Variants in NAA11 observed in about 807,000 individuals in gnomAD.
NAA11 encodes the protein N-alpha-acetyltransferase 11, NatA catalytic subunit.
Under a neutral mutation model 16.1 loss-of-function variants are expected in NAA11, and 15 were observed. The ratio of observed to expected loss-of-function variants is 0.93; its 90% CI spans 0.62 to 1.44. NAA11 has a LOEUF of 1.44. NAA11 is among the 40% of genes most tolerant of loss of function. NAA11 has a pLI of 0.00. For missense variants in NAA11, 298 were observed against 291.3 expected (o/e 1.02, Z -0.17); for synonymous variants, 122 against 112.4 (o/e 1.09, Z -0.54).
the NAA11 span, among the ~76,000 whole-genome samples, chr4:79,185,365 G>A: frequency 6.6e-6 from 1 of 152,114 alleles, no homozygotes; most frequent in African/African-American, 2.4e-5. Context: ...TTCTCATGCA[G>A]GAGTCATTAT....
chr4:79,255,996 G>C (rs1044796444), intron 2 of NAA11, among the ~76,000 whole-genome samples: 1 of 152,138 alleles, frequency 6.6e-6, no homozygotes, highest in South Asian at 2.1e-4. Flanking sequence ...GCTCGCTGGC[G>C]GTTGGGTCTG....
chr4:79,199,945 C>A, the NAA11 span, among the ~76,000 whole-genome samples: 1 of 151,770 alleles, frequency 6.6e-6, no homozygotes, highest in Non-Finnish European at 1.5e-5. Flanking sequence ...GTCAGGTGAC[C>A]ATGAAATGAT....
intron 1 of NAA11, 111 bp downstream of exon 1, chr4:79,325,065 C>T (rs927506978): frequency 4.6e-5 from 45 of 978,730 alleles, no homozygotes; most frequent in Non-Finnish European, 6.7e-5. Flanking sequence ...TGGTTTTTAC[C>T]GTAAAATCTC....
chr4:79,292,743 C>G (rs746486215), intron 2 of NAA11, among the ~76,000 whole-genome samples: 1 of 152,150 alleles, frequency 6.6e-6, no homozygotes, highest in Non-Finnish European at 1.5e-5. Flanking sequence ...AGTAACGCTC[C>G]CATTTCTGTT....
chr4:79,207,940 G>A, the NAA11 span, among the ~76,000 whole-genome samples: 1 of 152,126 alleles, frequency 6.6e-6, no homozygotes, highest in African/African-American at 2.4e-5. Context: ...ATGATCCTCA[G>A]TGTAGGTGGG....
rs1370167176 is a variant in NAA11, at chr4:79,325,543, C to A, written c.335G>T (p.Arg112Met). ...FNAKYVSLHV[R>M]KSNRPALHLY... is the part of the protein sequence containing the mutation. ...GTGCAAGGCTGGCCGGTTACTCTTC[C>A]TGACGTGCAGAGACACGTATTTGGC... Residue 112 changes from arginine (R) to methionine (M), a missense_variant, in exon 1 of 2, where the codon AGG becomes ATG. Physicochemically the swap from Arg to Met is moderately conservative, Grantham distance 91 (BLOSUM62 -1). Transcript: ENST00000286794. 1.9e-6 allele frequency: 3 copies of A among 1,613,996 alleles called. No individual in the cohort carries two copies. In the African/African-American group the frequency reaches 4.0e-5, roughly 22 times the overall value.
intron 2 of NAA11, among the ~76,000 whole-genome samples, chr4:79,289,167 G>T (rs939535254): frequency 6.6e-6 from 1 of 152,170 alleles, no homozygotes; most frequent in Non-Finnish European, 1.5e-5. Flanking sequence ...TTGCCAAGTT[G>T]TCCTCCAGAA....
chr4:79,278,516 G>T (rs924178461), intron 2 of NAA11, among the ~76,000 whole-genome samples: 1 of 151,844 alleles, frequency 6.6e-6, no homozygotes, highest in African/African-American at 2.4e-5. Flanking sequence ...ACAATGACTT[G>T]TTCATATTTC....
intron 1 of NAA11, chr4:79,299,308 C>G (rs1295059017): frequency 3.3e-5 from 5 of 152,218 alleles, no homozygotes; most frequent in Admixed American, 6.5e-5. Flanking sequence ...TATGCCCAAC[C>G]CTGAGTCCTT....
chr4:79,162,136 A>G, the NAA11 span, among the ~76,000 whole-genome samples: 1 of 152,118 alleles, frequency 6.6e-6, no homozygotes, highest in Non-Finnish European at 1.5e-5. Context: ...GTTTATTGCT[A>G]GTATGTAGAA....
intron 1 of NAA11, among the ~76,000 whole-genome samples, chr4:79,318,504 G>A (rs1723996259): frequency 6.6e-6 from 1 of 152,106 alleles, no homozygotes; most frequent in South Asian, 2.1e-4. Context: ...TCTATCATAT[G>A]CACACAGAAG....
chr4:79,156,642 C>T, the NAA11 span, among the ~76,000 whole-genome samples: 1 of 152,222 alleles, frequency 6.6e-6, no homozygotes, highest in Non-Finnish European at 1.5e-5. Flanking sequence ...TAATTTCATC[C>T]CAAAACACCC....
intron 2 of NAA11, among the ~76,000 whole-genome samples, chr4:79,256,601 A>C (rs1722110149): frequency 7.0e-6 from 1 of 141,930 alleles, no homozygotes; most frequent in Non-Finnish European, 1.5e-5. Context: ...AGGGTTCTAA[A>C]ATGGTAATAT....
chr4:79,168,703 C>G, the NAA11 span, among the ~76,000 whole-genome samples: 1 of 152,158 alleles, frequency 6.6e-6, no homozygotes, highest in Non-Finnish European at 1.5e-5. Context: ...CCTTTGCCCA[C>G]TCTTTGATGG....
chr4:79,220,043 C>T, the NAA11 span, among the ~76,000 whole-genome samples: 2 of 152,188 alleles, frequency 1.3e-5, no homozygotes, highest in African/African-American at 4.8e-5. Flanking sequence ...TCCCAAGAAG[C>T]CTAGGAGTAA....
chr4:79,156,151 GTA>G, the NAA11 span, among the ~76,000 whole-genome samples: 1 of 152,032 alleles, frequency 6.6e-6, no homozygotes, highest in African/African-American at 2.4e-5. Context: ...ACCTACATAT[GTA>G]TATTTGTAGT....
downstream of NAA11, among the ~76,000 whole-genome samples, chr4:79,312,646 CAAAAAAAAAAAAAAA>C (rs544315352): frequency 1.4e-5 from 1 of 69,448 alleles, no homozygotes; most frequent in South Asian, 5.4e-4. Flanking sequence ...GACTCCATCT[CAAAAAAAAAAAAAAA>C]AAAAAAAAAA....
At chr4:79,195,659 C>T in the NAA11 span, among the ~76,000 whole-genome samples, 1 of 151,996 alleles carries the variant, frequency 6.6e-6, no homozygotes, top group South Asian at 2.1e-4. Flanking sequence ...TGGCTGTGCC[C>T]CACCCAAATC....
downstream of NAA11, among the ~76,000 whole-genome samples, chr4:79,314,866 T>C (rs1483228676): frequency 6.6e-6 from 1 of 152,082 alleles, no homozygotes; most frequent in Non-Finnish European, 1.5e-5. Flanking sequence ...ATAGATATAA[T>C]ATTATCAATA....
Sources: gnomAD v4.1 joint callset for allele counts (sites outside exome capture counted in the v4.1 genomes callset) on GRCh38, gnomAD v4.1.1 for gene constraint, MANE v1.5 for transcripts, NCBI Gene and HGNC (gene_info 2026-07-23, HGNC 2026-07-21) for gene names.